Variants in MDGA2 observed in about 807,000 individuals in gnomAD.
MDGA2 encodes the protein MAM domain containing glycosylphosphatidylinositol anchor 2.
A neutral mutation model predicts 117.8 loss-of-function variants in MDGA2; 40 were observed. The observed-to-expected ratio is 0.34, with a 90% CI of 0.26 to 0.44. The LOEUF (loss-of-function observed/expected upper bound fraction) is 0.44. MDGA2 is among the 20% of genes least tolerant of loss of function. The probability of loss-of-function intolerance (pLI) is 1.00; values close to 1 mark genes in which losing one functional copy is unlikely to be tolerated. For missense variants in MDGA2, 1,123 were observed against 1,250.6 expected (o/e 0.90, Z 1.54); for synonymous variants, 452 against 439.0 (o/e 1.03, Z -0.37).
chr14:47,587,432 AC>A (rs1215534082), intron 1 of MDGA2, among the ~76,000 whole-genome samples: 1 of 151,938 alleles, frequency 6.6e-6, no homozygotes. Flanking sequence ...TGTTGGCTTC[AC>A]TGTGCCATTT....
At position 47,619,116 on chromosome 14, in the gene MDGA2, TACACACACACACAC is replaced by T. The variant is rs1555336908; in HGVS notation, c.280+55387_280+55400del. On this transcript the variant is annotated intron_variant, in intron 1 of 16. Coordinates refer to ENST00000399232, the MANE Select transcript of MDGA2 (RefSeq NM_001113498.3). The stretch of plus-strand genomic sequence containing the variant: ...TAGCATCTCTGAGCCTCAGTTTAAT[TACACACACACACAC>T]ACACACACACACACACACACAGATA... 9.9e-5 allele frequency among the ~76,000 whole-genome samples: 9 copies of T among 90,804 alleles called. No individual in the cohort carries two copies. In the East Asian group the frequency reaches 1.9e-3, roughly 19 times the overall value. The allele number at this position is 90,804 out of a possible 152,430, so 59.6% of individuals were successfully genotyped here. A position where few individuals can be genotyped will look rare whatever the true frequency, so the allele number is the denominator to read the frequency against.
At chr14:47,431,727 C>T (rs1372758816) in intron 1 of MDGA2, among the ~76,000 whole-genome samples, 1 of 152,000 alleles carries the variant, frequency 6.6e-6, no homozygotes, top group Non-Finnish European at 1.5e-5. Flanking sequence ...TTTGTAACTT[C>T]ATGGTGAAAA....
chr14:47,643,160 AG>A (rs1897461412), intron 1 of MDGA2, among the ~76,000 whole-genome samples: 1 of 152,128 alleles, frequency 6.6e-6, no homozygotes, highest in African/African-American at 2.4e-5. Context: ...TTAAAGGAAG[AG>A]CCAAATACAT....
At chr14:47,601,132 T>C (rs762694484) in intron 1 of MDGA2, among the ~76,000 whole-genome samples, 1 of 152,186 alleles carries the variant, frequency 6.6e-6, no homozygotes, top group Admixed American at 6.5e-5. Flanking sequence ...GCACTGACTA[T>C]GTTGTATATT....
At chr14:46,957,250 G>A in intron 9 of MDGA2, 124 bp downstream of exon 9, 4 of 896,336 alleles carry the variant, frequency 4.5e-6, no homozygotes, top group Non-Finnish European at 6.6e-6. Flanking sequence ...ACTCTAACTT[G>A]AGGAGTCAAG....
chr14:47,170,506 T>A (rs1353761047), intron 3 of MDGA2, among the ~76,000 whole-genome samples: 1 of 152,158 alleles, frequency 6.6e-6, no homozygotes, highest in East Asian at 1.9e-4. Flanking sequence ...CCTGCTAGTT[T>A]CTCAGAGATG....
chr14:46,995,638 T>C (rs1887260940), intron 8 of MDGA2, among the ~76,000 whole-genome samples: 1 of 152,002 alleles, frequency 6.6e-6, no homozygotes, highest in South Asian at 2.1e-4. Context: ...AATGTTTCAT[T>C]TGATAATATT....
At chr14:46,963,176 T>A (rs529903157) in intron 8 of MDGA2, among the ~76,000 whole-genome samples, 2 of 152,330 alleles carry the variant, frequency 1.3e-5, no homozygotes, top group East Asian at 3.9e-4. Flanking sequence ...ACACTGTCCA[T>A]GATTTTAAAA....
chr14:47,506,857 T>G (rs1894523699), intron 1 of MDGA2, among the ~76,000 whole-genome samples: 1 of 152,034 alleles, frequency 6.6e-6, no homozygotes. Context: ...GATGGTTTCC[T>G]GCAGCAGAGC....
intron 2 of MDGA2, among the ~76,000 whole-genome samples, chr14:47,219,535 T>A (rs1163730604): frequency 2.0e-5 from 3 of 152,008 alleles, no homozygotes; most frequent in African/African-American, 7.2e-5. Flanking sequence ...AATTTGTAAA[T>A]TATGTCAAAA....
At chr14:47,190,026 A>G (rs2139401910) in intron 3 of MDGA2, among the ~76,000 whole-genome samples, 1 of 152,292 alleles carries the variant, frequency 6.6e-6, no homozygotes, top group East Asian at 1.9e-4. Context: ...TTTTAGCTGT[A>G]GGGTAGTGGT....
At chr14:47,194,940 C>T (rs1189016762) in intron 3 of MDGA2, among the ~76,000 whole-genome samples, 1 of 152,002 alleles carries the variant, frequency 6.6e-6, no homozygotes, top group Non-Finnish European at 1.5e-5. Context: ...TTTGTGTTTT[C>T]TGTTGCAATG....
intron 1 of MDGA2, among the ~76,000 whole-genome samples, chr14:47,415,463 G>T (rs1025619833): frequency 1.3e-5 from 2 of 152,076 alleles, no homozygotes; most frequent in Non-Finnish European, 2.9e-5. Flanking sequence ...GAGAGGGAGA[G>T]ATCACATTCA....
chr14:47,136,196 TC>T (rs1381411444), intron 4 of MDGA2, among the ~76,000 whole-genome samples: 1 of 144,480 alleles, frequency 6.9e-6, no homozygotes, highest in African/African-American at 2.6e-5. Context: ...GTGTTTTCTC[TC>T]TTTTTTTTTT....
chr14:47,146,320 T>A (rs1395420265), intron 3 of MDGA2, among the ~76,000 whole-genome samples: 1 of 152,176 alleles, frequency 6.6e-6, no homozygotes, highest in African/African-American at 2.4e-5. Context: ...TTTTCACAGC[T>A]ACCTCAAAGG....
intron 7 of MDGA2, among the ~76,000 whole-genome samples, chr14:47,054,070 C>T (rs1366744751): frequency 6.6e-6 from 1 of 151,936 alleles, no homozygotes; most frequent in Non-Finnish European, 1.5e-5. Context: ...ATTGACTTAA[C>T]TGCCCTTTTA....
chr14:47,336,778 A>T (rs535128945), intron 1 of MDGA2, among the ~76,000 whole-genome samples: 1 of 152,100 alleles, frequency 6.6e-6, no homozygotes, highest in South Asian at 2.1e-4. Context: ...CAAAAGAAGT[A>T]GTTAATTATA....
At chr14:47,070,136 GT>G (rs1449383343) in intron 6 of MDGA2, among the ~76,000 whole-genome samples, 2 of 152,028 alleles carry the variant, frequency 1.3e-5, no homozygotes. Flanking sequence ...TAGTCACCCT[GT>G]TGTGCTATCA....
At chr14:47,459,068 C>T (rs1391816035) in intron 1 of MDGA2, among the ~76,000 whole-genome samples, 1 of 151,702 alleles carries the variant, frequency 6.6e-6, no homozygotes, top group Non-Finnish European at 1.5e-5. Flanking sequence ...TCTCTAAATG[C>T]CTATGGCTCA....
Sources: gnomAD v4.1 joint callset for allele counts (sites outside exome capture counted in the v4.1 genomes callset) on GRCh38, gnomAD v4.1.1 for gene constraint, MANE v1.5 for transcripts, NCBI Gene and HGNC (gene_info 2026-07-23, HGNC 2026-07-21) for gene names.